The following PDE10A variants were observed in gnomAD, a reference collection of about 807,000 sequenced individuals.
The protein encoded by PDE10A is cAMP and cAMP-inhibited cGMP 3',5'-cyclic phosphodiesterase 10A.
A neutral mutation model predicts 97.7 loss-of-function variants in PDE10A; 39 were observed. The ratio of observed to expected loss-of-function variants is 0.40; its 90% CI spans 0.31 to 0.52. The LOEUF (loss-of-function observed/expected upper bound fraction) is 0.52, where lower values mean the gene tolerates loss of function less well. Ranked by LOEUF, PDE10A falls within the 20% of genes least tolerant of loss-of-function variation. PDE10A has a pLI of 0.56. For missense variants in PDE10A, 731 were observed against 1,047.8 expected (o/e 0.70, Z 4.17); for synonymous variants, 371 against 376.8 (o/e 0.98, Z 0.18).
intron 1 of PDE10A, among the ~76,000 whole-genome samples, chr6:165,809,149 G>T (rs1186739743): frequency 1.3e-5 from 2 of 152,198 alleles, no homozygotes; most frequent in African/African-American, 4.8e-5. Flanking sequence ...CGTTCTCTGA[G>T]GCCCTGGGAC....
At chr6:165,919,981 A>T (rs988059157) in intron 1 of PDE10A, among the ~76,000 whole-genome samples, 1 of 152,194 alleles carries the variant, frequency 6.6e-6, no homozygotes, top group African/African-American at 2.4e-5. Flanking sequence ...ATGCCATTTC[A>T]TATTGTTAGA....
intron 1 of PDE10A, among the ~76,000 whole-genome samples, chr6:165,845,864 C>T (rs1780402384): frequency 6.6e-6 from 1 of 152,044 alleles, no homozygotes; most frequent in Admixed American, 6.6e-5. Context: ...TGACCGATGC[C>T]TAGGTATGAG....
chr6:165,837,698 G>A (rs1373421206), intron 1 of PDE10A, among the ~76,000 whole-genome samples: 1 of 140,278 alleles, frequency 7.1e-6, no homozygotes, highest in Non-Finnish European at 1.5e-5. Context: ...GGCAGGAGGC[G>A]GTGGGAGAAC....
intron 2 of PDE10A, among the ~76,000 whole-genome samples, chr6:165,506,071 T>C (rs1781173319): frequency 6.6e-6 from 1 of 152,146 alleles, no homozygotes; most frequent in African/African-American, 2.4e-5. Flanking sequence ...CGGGAAAATG[T>C]CTTTTCCCGC....
intron 1 of PDE10A, among the ~76,000 whole-genome samples, chr6:165,795,662 G>C (rs1395724688): frequency 6.6e-6 from 1 of 152,168 alleles, no homozygotes; most frequent in East Asian, 1.9e-4. Flanking sequence ...TGAGGCAGAA[G>C]AATCGCTTGA....
intron 1 of PDE10A, among the ~76,000 whole-genome samples, chr6:165,751,062 G>T (rs956602729): frequency 3.3e-5 from 5 of 152,178 alleles, no homozygotes; most frequent in African/African-American, 9.7e-5. Context: ...GAGCTGTGCT[G>T]TCTCCTGGGG....
chr6:165,657,065 G>C (rs951243692), intron 1 of PDE10A, among the ~76,000 whole-genome samples: 2 of 152,206 alleles, frequency 1.3e-5, no homozygotes, highest in Non-Finnish European at 2.9e-5. Flanking sequence ...TCCAACACAA[G>C]TATTTGAGTA....
At chr6:165,577,095 C>A (rs1785347092) in intron 1 of PDE10A, among the ~76,000 whole-genome samples, 1 of 152,228 alleles carries the variant, frequency 6.6e-6, no homozygotes, top group Non-Finnish European at 1.5e-5. Flanking sequence ...GTGTGAGTAA[C>A]TGAATCCATC....
rs114167870 is a variant in PDE10A, at chr6:165,340,149, T to C, written c.2896-791A>G. ...TAAATATTATTTCATTTAATCCTTA[T>C]GAAATATTCTAGGATATGCTGTTCC... On this transcript the variant is annotated intron_variant, in intron 19 of 21. Transcript: ENST00000539869. Among the ~76,000 whole-genome samples, 1,028 of 152,372 alleles carry C rather than the reference T, an allele frequency of 6.7e-3. 11 individuals are homozygous for C. The highest frequency in any genetic ancestry group is 0.024 in the African/African-American group (987 of 41,598).
chr6:165,582,537 A>T (rs1319771629), intron 1 of PDE10A, among the ~76,000 whole-genome samples: 1 of 152,122 alleles, frequency 6.6e-6, no homozygotes, highest in Non-Finnish European at 1.5e-5. Flanking sequence ...ACAATGAAAA[A>T]ACCACTGAAA....
At chr6:165,527,296 G>A (rs931877069) in intron 2 of PDE10A, among the ~76,000 whole-genome samples, 1 of 152,202 alleles carries the variant, frequency 6.6e-6, no homozygotes, top group African/African-American at 2.4e-5. Flanking sequence ...AAGGCTGCCA[G>A]TTCTGAGTGG....
At chr6:165,729,567 A>G (rs996409791) in intron 1 of PDE10A, among the ~76,000 whole-genome samples, 3 of 152,216 alleles carry the variant, frequency 2.0e-5, no homozygotes, top group African/African-American at 7.2e-5. Context: ...GGCCCCAACC[A>G]CAGGGATCCA....
At chr6:165,417,816 C>A (rs561641746) in intron 11 of PDE10A, among the ~76,000 whole-genome samples, 1 of 152,150 alleles carries the variant, frequency 6.6e-6, no homozygotes, top group Non-Finnish European at 1.5e-5. Context: ...TATGATAGAA[C>A]GCCCAAATAA....
intron 19 of PDE10A, among the ~76,000 whole-genome samples, 188 bp downstream of exon 19, chr6:165,343,203 G>A (rs1464082034): frequency 6.6e-6 from 1 of 152,190 alleles, no homozygotes; most frequent in Admixed American, 6.6e-5. Context: ...AGACACACAT[G>A]TAAGTAATAT....
intron 13 of PDE10A, among the ~76,000 whole-genome samples, chr6:165,411,588 T>A (rs1787841924): frequency 6.6e-6 from 1 of 152,252 alleles, no homozygotes; most frequent in South Asian, 2.1e-4. Flanking sequence ...CAGTCTGTGA[T>A]GTTTATTACA....
intron 17 of PDE10A, among the ~76,000 whole-genome samples, chr6:165,384,142 A>G (rs1785102108): frequency 6.6e-6 from 1 of 152,126 alleles, no homozygotes; most frequent in Non-Finnish European, 1.5e-5. Context: ...TACTTGGAGG[A>G]CGGATTTGGG....
At chr6:165,494,809 G>A (rs911274693) in intron 2 of PDE10A, among the ~76,000 whole-genome samples, 1 of 152,076 alleles carries the variant, frequency 6.6e-6, no homozygotes, top group African/African-American at 2.4e-5. Flanking sequence ...CACAGGATGG[G>A]AAAAGAAATT....
chr6:165,762,888 T>TGC (rs1378452322), intron 1 of PDE10A, among the ~76,000 whole-genome samples: 1 of 149,314 alleles, frequency 6.7e-6, no homozygotes, highest in Non-Finnish European at 1.5e-5. Context: ...CAAACACACG[T>TGC]GCACACACAC....
chr6:165,502,707 A>G (rs964555077), intron 2 of PDE10A, among the ~76,000 whole-genome samples: 3 of 152,218 alleles, frequency 2.0e-5, no homozygotes, highest in African/African-American at 7.2e-5. Context: ...CCACCTATGC[A>G]AATCCTACAA....
Sources: gnomAD v4.1 joint callset for allele counts (sites outside exome capture counted in the v4.1 genomes callset) on GRCh38, gnomAD v4.1.1 for gene constraint, MANE v1.5 for transcripts, NCBI Gene and HGNC (gene_info 2026-07-23, HGNC 2026-07-21) for gene names.